Variants in IL1RAPL2 observed in about 807,000 individuals in gnomAD.
IL1RAPL2 encodes X-linked interleukin-1 receptor accessory protein-like 2.
A neutral mutation model predicts 44.1 loss-of-function variants in IL1RAPL2; 3 were observed. The observed-to-expected ratio is 0.07, with a 90% CI of 0.03 to 0.18. The LOEUF (loss-of-function observed/expected upper bound fraction) is 0.18. Ranked by LOEUF, IL1RAPL2 falls within the 10% of genes least tolerant of loss-of-function variation. The pLI, the probability that IL1RAPL2 is intolerant of heterozygous loss-of-function variation, is 1.00. For synonymous variants in IL1RAPL2, 181 were observed against 178.8 expected, an observed-to-expected ratio of 1.01 and a Z score of -0.10; for missense variants, 391 against 496.4, an observed-to-expected ratio of 0.79 and a Z score of 2.02.
intron 1 of IL1RAPL2, chrX:104,647,536 C>T (rs777199753): frequency 3.5e-5 from 18 of 517,515 alleles, no homozygotes; most frequent in Admixed American, 1.2e-4. Context: ...CTGCTCACTC[C>T]GTAAGATTGT....
intron 2 of IL1RAPL2, among the ~76,000 whole-genome samples, chrX:104,948,965 A>G (rs112408890): frequency 3.2e-4 from 35 of 108,859 alleles, no homozygotes; most frequent in Middle Eastern, 4.7e-3. Context: ...CTCTTTTTCT[A>G]TTGATTGGAA....
rs139036563 is a variant in IL1RAPL2, at chrX:104,827,156, G to A, written c.82+168161G>A. Among the ~76,000 whole-genome samples, 896 of 109,695 alleles carry A rather than the reference G, an allele frequency of 8.2e-3. 13 individuals are homozygous for A. Among genetic ancestry groups the A allele is most frequent in the African/African-American group, 0.028 (844 of 30,114 alleles). On this transcript the variant is annotated intron_variant, in intron 2 of 10. Coordinates refer to ENST00000372582, the MANE Select transcript of IL1RAPL2 (RefSeq NM_017416.2). ...GGTTAATATTGTTATGTGTGAATTT[G>A]ATCCTGTCATTATGATGCTAGCTGA...
At chrX:105,477,082 C>A (rs1468060665) in intron 5 of IL1RAPL2, among the ~76,000 whole-genome samples, 1 of 111,768 alleles carries the variant, frequency 8.9e-6, no homozygotes, top group Non-Finnish European at 1.9e-5. Flanking sequence ...TTTTTTGCAG[C>A]AGGTTTTGAT....
At chrX:105,497,222 G>A (rs1352104401) in intron 6 of IL1RAPL2, among the ~76,000 whole-genome samples, 6 of 111,033 alleles carry the variant, frequency 5.4e-5, no homozygotes, top group Non-Finnish European at 9.4e-5. Context: ...AGGATTAGAA[G>A]ATACTATTAT....
At position 104,835,074 on chromosome X, in the gene IL1RAPL2, A is replaced by G. The variant is rs765615930; in HGVS notation, c.82+176079A>G. Among the ~76,000 whole-genome samples, 7 of 112,105 alleles carry G rather than the reference A, an allele frequency of 6.2e-5. No individual in the cohort carries two copies. The South Asian group carries it at 2.6e-3, about 41-fold the overall frequency. ...AAAAATGTTGTTAGATTGATCATTG[A>G]TCACATTAGCTTTATCTTACTCCTA... On this transcript the variant is annotated intron_variant, in intron 2 of 10. Transcript: ENST00000372582.
chrX:105,422,791 A>G (rs1457827351), intron 5 of IL1RAPL2, among the ~76,000 whole-genome samples: 2 of 110,870 alleles, frequency 1.8e-5, no homozygotes, highest in African/African-American at 6.6e-5. Context: ...TGAACATTTC[A>G]GTTCTCCATG....
At chrX:104,729,273 T>A (rs867426717) in intron 2 of IL1RAPL2, among the ~76,000 whole-genome samples, 28 of 111,017 alleles carry the variant, frequency 2.5e-4, no homozygotes, top group Middle Eastern at 4.7e-3. Context: ...ATATCAAAAA[T>A]TTTTTAACAA....
intron 4 of IL1RAPL2, among the ~76,000 whole-genome samples, chrX:105,238,985 G>C (rs1556204967): frequency 9.0e-6 from 1 of 111,651 alleles, no homozygotes; most frequent in African/African-American, 3.3e-5. Flanking sequence ...TGATTGTCAG[G>C]AGGATAATAC....
In IL1RAPL2 at chrX:105,126,604, T is replaced by G. The variant is rs181094791; in HGVS notation, c.83-68871T>G. On this transcript the variant is annotated intron_variant, in intron 2 of 10. Coordinates refer to ENST00000372582, the MANE Select transcript of IL1RAPL2 (RefSeq NM_017416.2). The stretch of plus-strand genomic sequence containing the variant: ...CAAGCTAGTTTCTTTTGTTAAGGAT[T>G]AAATAAAATTTCCATTCAGCTATTT... Among the ~76,000 whole-genome samples the G allele has an allele frequency of 3.6e-5, 4 of 111,688 alleles. No homozygotes were observed. The East Asian group carries it at 1.1e-3, about 31-fold the overall frequency.
chrX:105,625,725 C>T lies in IL1RAPL2; in HGVS notation c.773-91642C>T, dbSNP rs200767448. ...TCCAGACAGTTGAGAGTGAAAAGACCCCCAACAATAAACTACTATTTACTA... is the reference window on the plus strand; with the variant it reads ...TCCAGACAGTTGAGAGTGAAAAGACTCCCAACAATAAACTACTATTTACTA... On this transcript the variant is annotated intron_variant, in intron 6 of 10. Transcript: ENST00000372582. 4.5e-5 allele frequency among the ~76,000 whole-genome samples: 5 copies of T among 110,351 alleles called. No homozygotes were observed. In the East Asian group the frequency reaches 1.4e-3, roughly 32 times the overall value.
chrX:105,140,457 G>A (rs1018031913), intron 2 of IL1RAPL2, among the ~76,000 whole-genome samples: 1 of 111,285 alleles, frequency 9.0e-6, no homozygotes, highest in Non-Finnish European at 1.9e-5. Context: ...AACCTGGAAC[G>A]TGAATGGCAT....
At chrX:104,676,447 T>C (rs1930759753) in intron 2 of IL1RAPL2, among the ~76,000 whole-genome samples, 1 of 112,223 alleles carries the variant, frequency 8.9e-6, no homozygotes, top group Admixed American at 9.4e-5. Flanking sequence ...TTCTGGCTTA[T>C]AGAGTTTCTG....
At chrX:105,098,593 G>A (rs1369490210) in intron 2 of IL1RAPL2, among the ~76,000 whole-genome samples, 1 of 112,174 alleles carries the variant, frequency 8.9e-6, no homozygotes, top group Non-Finnish European at 1.9e-5. Context: ...TTGATCTGCA[G>A]GTCTTCTTCA....
intron 2 of IL1RAPL2, among the ~76,000 whole-genome samples, chrX:105,106,835 ATAAAAT>A (rs971953593): frequency 4.4e-4 from 49 of 112,191 alleles, no homozygotes; most frequent in Non-Finnish European, 1.5e-4. Flanking sequence ...GGGAAAGATC[ATAAAAT>A]TAAAATTTAT....
chrX:104,902,582 T>C (rs1223920746), intron 2 of IL1RAPL2, among the ~76,000 whole-genome samples: 12 of 112,181 alleles, frequency 1.1e-4, no homozygotes, highest in African/African-American at 3.6e-4. Flanking sequence ...TATTACCTTT[T>C]AAAATTATTT....
At chrX:105,405,795 C>T (rs2035639430) in intron 5 of IL1RAPL2, 1 of 1,154,068 alleles carries the variant, frequency 8.7e-7, no homozygotes, top group South Asian at 1.8e-5. Context: ...TGCTGTAAGC[C>T]AGGTGGTTGC....
intron 9 of IL1RAPL2, 73 bp from the exon 10 acceptor site, chrX:105,755,104 C>G (rs1251034411): frequency 3.2e-6 from 2 of 626,968 alleles, no homozygotes; most frequent in Non-Finnish European, 4.8e-6. Context: ...AATTATTGTG[C>G]TATTCCTGCC....
intron 5 of IL1RAPL2, among the ~76,000 whole-genome samples, chrX:105,271,343 T>C (rs751839037): frequency 1.6e-3 from 183 of 112,308 alleles, no homozygotes; most frequent in Non-Finnish European, 2.9e-3. Context: ...CACAGTAGCA[T>C]GTTTAGGTCA....
intron 5 of IL1RAPL2, among the ~76,000 whole-genome samples, chrX:105,370,783 G>T (rs1337872776): frequency 2.7e-5 from 3 of 112,080 alleles, no homozygotes; most frequent in Non-Finnish European, 5.6e-5. Context: ...TCTCTTTTAA[G>T]TTATTTGAGA....
Sources: allele counts gnomAD v4.1 joint callset (sites outside exome capture counted in the v4.1 genomes callset), GRCh38; gene constraint gnomAD v4.1.1; transcripts MANE v1.5; gene names NCBI Gene and HGNC (gene_info 2026-07-23, HGNC 2026-07-21).